The following RASGRF1 variants were observed in gnomAD, a reference collection of about 807,000 sequenced individuals.
The protein encoded by RASGRF1 is ras-specific guanine nucleotide-releasing factor 1.
Under a neutral mutation model 138.7 loss-of-function variants are expected in RASGRF1, and 40 were observed. That is an observed-to-expected ratio of 0.29 (90% CI 0.22 to 0.38). The LOEUF is 0.38. RASGRF1 is among the 10% of genes least tolerant of loss of function. The pLI, the probability that RASGRF1 is intolerant of heterozygous loss-of-function variation, is 1.00. For missense variants in RASGRF1, 1,108 were observed against 1,650.4 expected, an observed-to-expected ratio of 0.67 and a Z score of 5.69; for synonymous variants, 614 against 663.2, an observed-to-expected ratio of 0.93 and a Z score of 1.14.
intron 3 of RASGRF1, among the ~76,000 whole-genome samples, chr15:79,051,381 T>C (rs2057428503): frequency 6.6e-6 from 1 of 152,022 alleles, no homozygotes; most frequent in Non-Finnish European, 1.5e-5. Context: ...CTCCCCCTTT[T>C]CGATCCTTTG....
rs1236137223 is a variant in RASGRF1 at position 79,032,628 on chromosome 15, T to TC, written c.959-313dup. 1.3e-5 allele frequency among the ~76,000 whole-genome samples: 2 copies of TC among 152,022 alleles called. No homozygotes were observed. The highest frequency in any genetic ancestry group is 4.8e-5 in the African/African-American group (2 of 41,390). ...TGGGCGCTGTGGGGTGCCACCTGGATCCCCCCAGCTGCCAGGAGTGCTGGT... is the reference window on the plus strand; with the variant it reads ...TGGGCGCTGTGGGGTGCCACCTGGATCCCCCCCAGCTGCCAGGAGTGCTGGT... On this transcript the variant is annotated intron_variant, in intron 6 of 26. Transcript: ENST00000558480. The surrounding 1 kb of genome is among the most constrained non-coding windows in gnomAD (Gnocchi z 4.5).
intron 23 of RASGRF1, chr15:78,981,083 AC>A: frequency 6.1e-6 from 1 of 162,714 alleles, no homozygotes; most frequent in East Asian, 1.7e-4. Flanking sequence ...TTTCTCATGA[AC>A]TAGACCCAAA....
intron 20 of RASGRF1, among the ~76,000 whole-genome samples, chr15:78,993,417 G>A (rs559396643): frequency 6.6e-6 from 1 of 151,782 alleles, no homozygotes; most frequent in Non-Finnish European, 1.5e-5. Context: ...GGTGGCTGTC[G>A]GTGAGTTTTT....
At position 79,031,423 on chromosome 15, in the gene RASGRF1, C is replaced by T. The variant is rs775108826; in HGVS notation, c.1239G>A (p.Lys413=). The T allele has an allele frequency of 4.3e-6, 7 of 1,611,652 alleles. No homozygotes were observed. The East Asian group carries it at 1.6e-4, about 36-fold the overall frequency. The change falls in exon 8 of 27, where the codon AAG becomes AAA. Residue 413 remains lysine (K), a synonymous_variant. Coordinates refer to ENST00000558480, the MANE Select transcript of RASGRF1 (RefSeq NM_001145648.3). ...ACCTGGACAGCTCCTCCAGTTTGGA[C>T]TTGGCGTAGTCCAGGCTGTTGCGCT... ...HVERNSLDYA[K]SKLEELSRIM...
intron 15 of RASGRF1, among the ~76,000 whole-genome samples, chr15:79,003,147 C>T (rs544702692): frequency 5.3e-5 from 8 of 152,252 alleles, no homozygotes; most frequent in Non-Finnish European, 1.2e-4. Context: ...GTCCAGCTGT[C>T]CCCGAAACAC....
intron 13 of RASGRF1, among the ~76,000 whole-genome samples, chr15:79,014,742 C>T (rs922022551): frequency 6.6e-6 from 1 of 151,902 alleles, no homozygotes; most frequent in East Asian, 1.9e-4. Flanking sequence ...ATGGTGAAAC[C>T]CTGTCTCTAC....
In RASGRF1 at chr15:79,006,161, GGGA is replaced by G; in HGVS notation, c.2075+22_2075+24del. On this transcript the variant is annotated intron_variant, in intron 14 of 26. Transcript: ENST00000558480. This position sits in a 1 kb window ranked among gnomAD's most constrained non-coding sequence, Gnocchi z 4.0. ...CAAGGCTTGGAAGCTCTCCGGGCAT[GGGA>G]GGAGGAGGGCACCTCAGCCACCTGG... 1 of 1,613,324 alleles carries G rather than the reference GGGA, an allele frequency of 6.2e-7. No individual in the cohort carries two copies. The highest frequency in any genetic ancestry group is 1.1e-5 in the South Asian group (1 of 91,030).
intron 10 of RASGRF1, among the ~76,000 whole-genome samples, chr15:79,024,153 CAT>C (rs1464192935): frequency 1.3e-5 from 2 of 151,826 alleles, no homozygotes; most frequent in East Asian, 1.9e-4. Context: ...GACACACACA[CAT>C]ATACACATAT....
At chr15:79,080,304 G>C (rs1370839377) in intron 1 of RASGRF1, among the ~76,000 whole-genome samples, 2 of 152,228 alleles carry the variant, frequency 1.3e-5, no homozygotes, top group African/African-American at 4.8e-5. Context: ...GAGATGAAGG[G>C]AGCTGGGGTG....
At chr15:79,018,069 AT>A (rs1285480978) in intron 11 of RASGRF1, among the ~76,000 whole-genome samples, 163 bp from the exon 12 acceptor site, 2 of 152,244 alleles carry the variant, frequency 1.3e-5, no homozygotes, top group African/African-American at 4.8e-5. Flanking sequence ...TAAGTGGGAA[AT>A]CCCCATTTCA....
rs571609110 is a variant in RASGRF1 at position 79,055,034 on chromosome 15, CA to C, written c.531+3299del. Among the ~76,000 whole-genome samples the C allele has an allele frequency of 6.6e-5, 10 of 152,238 alleles. No homozygotes were observed. The South Asian group carries it at 2.1e-3, about 32-fold the overall frequency. Reference sequence around the variant, plus strand: ...CATTCCTGAATATGTACTCTGTTATCAAGGTCCTCTCCTCAGCAGGGAGGAG... The same window carrying C: ...CATTCCTGAATATGTACTCTGTTATCAGGTCCTCTCCTCAGCAGGGAGGAG... On this transcript the variant is annotated intron_variant, in intron 3 of 26. Transcript: ENST00000558480.
In RASGRF1 at chr15:79,082,194, A is replaced by C. The variant is rs369122865; in HGVS notation, c.276+8029T>G. On this transcript the variant is annotated intron_variant, in intron 1 of 26. Coordinates refer to ENST00000558480, the MANE Select transcript of RASGRF1 (RefSeq NM_001145648.3). ...ATGTGTGGGGACAGTGGCTACCATT[A>C]GCACCATATTCTCCTCTCAGCCTTT... 4.4e-3 allele frequency among the ~76,000 whole-genome samples: 670 copies of C among 152,326 alleles called. 4 individuals carry two copies. The highest frequency in any genetic ancestry group is 0.011 in the South Asian group (52 of 4,826).
At chr15:79,074,398 T>C (rs1386981538) in intron 1 of RASGRF1, among the ~76,000 whole-genome samples, 1 of 152,054 alleles carries the variant, frequency 6.6e-6, no homozygotes, top group African/African-American at 2.4e-5. Context: ...TGATGGGAAG[T>C]CTTATAGTCC....
At chr15:79,052,782 T>A (rs2057450036) in intron 3 of RASGRF1, among the ~76,000 whole-genome samples, 1 of 152,088 alleles carries the variant, frequency 6.6e-6, no homozygotes, top group African/African-American at 2.4e-5. Context: ...TGATAGAGTG[T>A]TGTGTGCCAG....
intron 2 of RASGRF1, among the ~76,000 whole-genome samples, chr15:79,061,539 T>C (rs529081887): frequency 1.3e-5 from 2 of 151,816 alleles, no homozygotes; most frequent in Non-Finnish European, 2.9e-5. Flanking sequence ...CCAGATGATA[T>C]TTCCATCACC....
chr15:79,086,585 C>CG (rs949425642), intron 1 of RASGRF1, among the ~76,000 whole-genome samples: 13 of 151,838 alleles, frequency 8.6e-5, no homozygotes, highest in African/African-American at 2.9e-4. Context: ...ACCCCCCCCC[C>CG]CCAGCTTCTG....
intron 16 of RASGRF1, among the ~76,000 whole-genome samples, chr15:79,001,441 C>T (rs2056522441): frequency 6.6e-6 from 1 of 151,644 alleles, no homozygotes; most frequent in Admixed American, 6.6e-5. Flanking sequence ...AGTTGAAGAG[C>T]AGGATCTACC....
intron 24 of RASGRF1, chr15:78,979,041 C>A: frequency 7.7e-7 from 1 of 1,292,532 alleles, no homozygotes; most frequent in Non-Finnish European, 1.0e-6. Flanking sequence ...GACGAGGAAG[C>A]CAGCCATGTG....
chr15:78,993,268 T>G (rs1454606400), intron 20 of RASGRF1, among the ~76,000 whole-genome samples: 1 of 149,532 alleles, frequency 6.7e-6, no homozygotes, highest in Admixed American at 6.7e-5. Flanking sequence ...TGGTGTGGTG[T>G]GTGTGGTGTG....
Sources: gnomAD v4.1 joint callset for allele counts (sites outside exome capture counted in the v4.1 genomes callset) on GRCh38, gnomAD v4.1.1 for gene constraint, Gnocchi (gnomAD v3.1) non-coding constraint, MANE v1.5 for transcripts, NCBI Gene and HGNC (gene_info 2026-07-23, HGNC 2026-07-21) for gene names.